The following VPS8 variants were observed in gnomAD, a reference collection of about 807,000 sequenced individuals.
VPS8 encodes VPS8 subunit of CORVET complex, also known as vacuolar protein sorting-associated protein 8 homolog.
In VPS8, 129 loss-of-function variants were observed where a neutral mutation model predicts 216.4. The observed-to-expected ratio is 0.60, with a 90% CI of 0.52 to 0.69. VPS8 has a LOEUF of 0.69. Among genes scored for constraint, VPS8 ranks in the 30% least tolerant of loss-of-function variants. The pLI is 0.00. For missense variants in VPS8, 1,531 were observed against 1,683.5 expected (o/e 0.91, Z 1.59); for synonymous variants, 571 against 565.4 (o/e 1.01, Z -0.14).
intron 21 of VPS8, among the ~76,000 whole-genome samples, chr3:184,875,631 G>A (rs989181804): frequency 6.6e-6 from 1 of 151,744 alleles, no homozygotes; most frequent in Non-Finnish European, 1.5e-5. Flanking sequence ...TTTGCCTCAC[G>A]CCGTCTCTAA....
At chr3:184,977,627 A>G (rs540021395) in intron 40 of VPS8, among the ~76,000 whole-genome samples, 1 of 152,072 alleles carries the variant, frequency 6.6e-6, no homozygotes, top group Admixed American at 6.5e-5. Context: ...TGATCTTTGT[A>G]TATGGTGATA....
chr3:184,966,998 G>C (rs1008288187), intron 39 of VPS8, among the ~76,000 whole-genome samples: 1 of 145,672 alleles, frequency 6.9e-6, no homozygotes, highest in Admixed American at 6.9e-5. Context: ...ACAGGCTTTC[G>C]CTCTGTTGCC....
chr3:184,961,122 A>G lies in VPS8; in HGVS notation c.3184-3346A>G, dbSNP rs748275336. Among the ~76,000 whole-genome samples, 24 of 152,358 alleles carry G rather than the reference A, an allele frequency of 1.6e-4. No individual in the cohort carries two copies. The Middle Eastern group carries it at 0.014, about 86-fold the overall frequency. On this transcript the variant is annotated intron_variant, in intron 37 of 47. Coordinates refer to ENST00000625842, the MANE Select transcript of VPS8 (RefSeq NM_001009921.3). ...CACAGATGATTAGTCTTGTTGTGCCATAAAACTTAATAGACTAAATAGCAG... is the reference window on the plus strand; with the variant it reads ...CACAGATGATTAGTCTTGTTGTGCCGTAAAACTTAATAGACTAAATAGCAG...
At chr3:184,869,151 G>T in intron 19 of VPS8, 115 bp downstream of exon 19, 1 of 976,790 alleles carries the variant, frequency 1.0e-6, no homozygotes, top group South Asian at 1.6e-5. Flanking sequence ...TTATAAACAG[G>T]ATGCTAATTA....
chr3:185,048,524 G>A lies in VPS8; in HGVS notation c.4102G>A (p.Asp1368Asn), dbSNP rs1308240646. The stretch of plus-strand genomic sequence containing the variant: ...GGATCCACAGCAAATCCAAGCATTT[G>A]ATCAGCTTTGCCGTCTCTACCGAGG... ...VLDPQQIQAFDQLCRLYRGSS... is the reference protein window; with the variant it reads ...VLDPQQIQAFNQLCRLYRGSS... The change falls in exon 47 of 48, where the codon GAT becomes AAT. Residue 1368 changes from aspartate (D) to asparagine (N), a missense_variant. By Grantham distance (23) the Asp-to-Asn change is conservative (BLOSUM62 1). Coordinates refer to ENST00000625842, the MANE Select transcript of VPS8 (RefSeq NM_001009921.3). The A allele has an allele frequency of 6.2e-6, 10 of 1,613,996 alleles. No individual in the cohort carries two copies. Among genetic ancestry groups the A allele is most frequent in the Non-Finnish European group, 8.5e-6 (10 of 1,179,896 alleles).
chr3:184,976,471 C>T (rs1057028904), intron 40 of VPS8, among the ~76,000 whole-genome samples: 1 of 151,640 alleles, frequency 6.6e-6, no homozygotes, highest in Non-Finnish European at 1.5e-5. Context: ...TTTGTTGTGT[C>T]TCTGCCAGGT....
intron 37 of VPS8, among the ~76,000 whole-genome samples, chr3:184,959,588 G>A (rs1417890448): frequency 6.6e-6 from 1 of 152,082 alleles, no homozygotes; most frequent in African/African-American, 2.4e-5. Flanking sequence ...CGTATAAAAA[G>A]TATCAGCAGT....
At chr3:184,870,167 CAG>C (rs770306892) in intron 20 of VPS8, among the ~76,000 whole-genome samples, 1 of 152,178 alleles carries the variant, frequency 6.6e-6, no homozygotes, top group Non-Finnish European at 1.5e-5. Context: ...CCAGAACTAG[CAG>C]AGAGGATTAA....
chr3:184,974,126 A>G (rs1748875342), intron 40 of VPS8, among the ~76,000 whole-genome samples: 1 of 152,032 alleles, frequency 6.6e-6, no homozygotes, highest in African/African-American at 2.4e-5. Flanking sequence ...GAACCCCCAT[A>G]CTGTTTTCCA....
At chr3:184,976,231 A>T (rs1023670991) in intron 40 of VPS8, among the ~76,000 whole-genome samples, 3 of 152,158 alleles carry the variant, frequency 2.0e-5, no homozygotes, top group Non-Finnish European at 4.4e-5. Flanking sequence ...GTTTTACCTA[A>T]TGAAGGTTTA....
intron 46 of VPS8, among the ~76,000 whole-genome samples, chr3:185,044,017 C>G (rs1193177209): frequency 6.6e-6 from 1 of 152,226 alleles, no homozygotes; most frequent in East Asian, 1.9e-4. Flanking sequence ...TGATGAAACC[C>G]CGTCTCTACT....
chr3:184,976,589 G>A (rs1001042757), intron 40 of VPS8, among the ~76,000 whole-genome samples: 2 of 151,982 alleles, frequency 1.3e-5, no homozygotes, highest in African/African-American at 2.4e-5. Context: ...CATAGTACCC[G>A]ATAGGTAGTT....
chr3:184,953,856 G>A (rs907518477), intron 36 of VPS8, among the ~76,000 whole-genome samples: 13 of 152,162 alleles, frequency 8.5e-5, no homozygotes, highest in African/African-American at 2.6e-4. Flanking sequence ...GTGGCAGGCT[G>A]CTAAGAGAGG....
rs144216837 is a variant in VPS8 at position 185,038,485 on chromosome 3, T to G, written c.4057-9994T>G. Among the ~76,000 whole-genome samples the G allele has an allele frequency of 1.9e-3, 297 of 152,362 alleles. 1 individual carries two copies. The highest frequency in any genetic ancestry group is 6.4e-3 in the African/African-American group (266 of 41,580). ...GCAGTTGTCTTTTTCCTCAGTTATC[T>G]TCTGCAAAGTAGCCAGCCTGTAGTC... On this transcript the variant is annotated intron_variant, in intron 46 of 47. Coordinates refer to ENST00000625842, the MANE Select transcript of VPS8 (RefSeq NM_001009921.3).
intron 22 of VPS8, among the ~76,000 whole-genome samples, chr3:184,891,336 T>C (rs1732303122): frequency 6.6e-6 from 1 of 152,130 alleles, no homozygotes; most frequent in African/African-American, 2.4e-5. Context: ...GGACTATTGT[T>C]TGAGAAACAA....
At chr3:184,883,863 T>C (rs1730695895) in intron 21 of VPS8, among the ~76,000 whole-genome samples, 1 of 152,218 alleles carries the variant, frequency 6.6e-6, no homozygotes, top group Admixed American at 6.5e-5. Flanking sequence ...GATAATTATA[T>C]TATTTGAAGT....
At chr3:184,931,395 A>G (rs755816490) in intron 34 of VPS8, among the ~76,000 whole-genome samples, 28 of 152,192 alleles carry the variant, frequency 1.8e-4, no homozygotes, top group Non-Finnish European at 3.4e-4. Context: ...ATATCTACAG[A>G]GTTGCTCTCA....
chr3:184,982,984 C>A, intron 41 of VPS8, 28 bp from the exon 42 acceptor site: 1 of 1,550,000 alleles, frequency 6.5e-7, no homozygotes, highest in Non-Finnish European at 8.7e-7. Context: ...TTTAAACTAA[C>A]CTTAATGTTA....
At chr3:184,858,070 C>T (rs1725600549) in intron 14 of VPS8, among the ~76,000 whole-genome samples, 2 of 152,168 alleles carry the variant, frequency 1.3e-5, no homozygotes, top group Admixed American at 1.3e-4. Flanking sequence ...ATCTATGATA[C>T]TACTATGGGG....
Sources: allele counts gnomAD v4.1 joint callset (sites outside exome capture counted in the v4.1 genomes callset), GRCh38; gene constraint gnomAD v4.1.1; transcripts MANE v1.5; gene names NCBI Gene and HGNC (gene_info 2026-07-23, HGNC 2026-07-21).